The following NPAS3 variants were observed in gnomAD, a reference collection of about 807,000 sequenced individuals.
NPAS3 encodes the protein neuronal PAS domain-containing protein 3.
A neutral mutation model predicts 73.1 loss-of-function variants in NPAS3; 14 were observed. The ratio of observed to expected loss-of-function variants is 0.19; its 90% CI spans 0.13 to 0.30. NPAS3 has a LOEUF of 0.30. NPAS3 is among the 10% of genes least tolerant of loss of function. The pLI, the probability that NPAS3 is intolerant of heterozygous loss-of-function variation, is 1.00. For synonymous variants in NPAS3, 620 were observed against 541.5 expected (o/e 1.14, Z -2.01); for missense variants, 1,096 against 1,250.0 (o/e 0.88, Z 1.86).
rs369532154 is a variant in NPAS3, at chr14:33,224,268, T to C, written c.385+8842T>C. ...ATATATAGTTCCAGTGCTCTGCAGATGATAATATTTCATAAGCATAGCAAA... is the reference window on the plus strand; with the variant it reads ...ATATATAGTTCCAGTGCTCTGCAGACGATAATATTTCATAAGCATAGCAAA... On this transcript the variant is annotated intron_variant, in intron 3 of 11. Transcript: ENST00000356141. Among the ~76,000 whole-genome samples the C allele has an allele frequency of 1.7e-4, 26 of 152,306 alleles. No individual in the cohort carries two copies. The East Asian group carries it at 4.8e-3, about 28-fold the overall frequency.
Position 33,308,527 on chromosome 14 carries a change from T to TATATATATATATACAC in NPAS3, c.386-58658_386-58657insTATATATATATACACA. Among the ~76,000 whole-genome samples the TATATATATATATACAC allele has an allele frequency of 4.5e-3, 468 of 103,642 alleles. 10 individuals are homozygous for TATATATATATATACAC. Among genetic ancestry groups the TATATATATATATACAC allele is most frequent in the Non-Finnish European group, 6.6e-3 (353 of 53,458 alleles). 68.0% of individuals were successfully genotyped at this position (103,642 alleles called of 152,430 possible). A position where few individuals can be genotyped will look rare whatever the true frequency, so the allele number is the denominator to read the frequency against. Reference sequence around the variant, plus strand: ...TGCATAGTTTATATATATATATATATACATACACACACACACACACACACA... The same window carrying TATATATATATATACAC: ...TGCATAGTTTATATATATATATATATATATATATATATACACACATACACACACACACACACACACA... On this transcript the variant is annotated intron_variant, in intron 3 of 11. Transcript: ENST00000356141.
At chr14:33,080,394 C>A (rs2041829147) in intron 2 of NPAS3, among the ~76,000 whole-genome samples, 1 of 152,206 alleles carries the variant, frequency 6.6e-6, no homozygotes, top group Admixed American at 6.5e-5. Context: ...GCGTGAGCCA[C>A]CGCGCCCGGC....
intron 3 of NPAS3, among the ~76,000 whole-genome samples, chr14:33,307,124 G>A (rs531845584): frequency 4.9e-4 from 74 of 152,306 alleles, no homozygotes; most frequent in African/African-American, 1.7e-3. Context: ...CAGCCAGCTT[G>A]TAAGTGATTC....
At chr14:33,197,256 TG>T (rs2046395018) in intron 2 of NPAS3, among the ~76,000 whole-genome samples, 2 of 148,988 alleles carry the variant, frequency 1.3e-5, no homozygotes, top group Non-Finnish European at 3.0e-5. Context: ...TGTGTGTGTG[TG>T]TGTGTGTGTG....
At chr14:33,192,456 G>A (rs1160429356) in intron 2 of NPAS3, among the ~76,000 whole-genome samples, 2 of 152,180 alleles carry the variant, frequency 1.3e-5, no homozygotes, top group Non-Finnish European at 2.9e-5. Context: ...AGCTGGAATA[G>A]CCCAGGCACT....
chr14:33,258,667 A>G (rs1369183533), intron 3 of NPAS3, among the ~76,000 whole-genome samples: 1 of 152,188 alleles, frequency 6.6e-6, no homozygotes, highest in Non-Finnish European at 1.5e-5. Flanking sequence ...TCTGATCACA[A>G]GGGCATGTTG....
At chr14:33,379,977 CGTGTGTGTGTGTGT>C (rs34208750) in intron 4 of NPAS3, among the ~76,000 whole-genome samples, 2 of 144,232 alleles carry the variant, frequency 1.4e-5, no homozygotes, top group Non-Finnish European at 3.0e-5. Flanking sequence ...AGTTATCCCT[CGTGTGTGTGTGTGT>C]GTGTGTGTGT....
At chr14:32,942,824 C>T (rs189807888) in intron 1 of NPAS3, among the ~76,000 whole-genome samples, 5 of 152,122 alleles carry the variant, frequency 3.3e-5, no homozygotes, top group East Asian at 3.9e-4. Flanking sequence ...AAATGATAAT[C>T]GAAAATATGA....
At chr14:33,441,958 C>T (rs530312660) in intron 4 of NPAS3, among the ~76,000 whole-genome samples, 71 of 152,222 alleles carry the variant, frequency 4.7e-4, no homozygotes, top group Non-Finnish European at 4.0e-4. Context: ...GTGGGAATCA[C>T]GAAAGCTACA....
chr14:33,459,759 T>C (rs2050176256), intron 4 of NPAS3, among the ~76,000 whole-genome samples: 1 of 152,232 alleles, frequency 6.6e-6, no homozygotes, highest in Non-Finnish European at 1.5e-5. Flanking sequence ...CTCCCTTAAA[T>C]ATCACTGATT....
At chr14:33,717,668 A>G (rs2060994939) in intron 6 of NPAS3, among the ~76,000 whole-genome samples, 1 of 152,120 alleles carries the variant, frequency 6.6e-6, no homozygotes, top group African/African-American at 2.4e-5. Flanking sequence ...CCCTGACAGA[A>G]AGCTAAAGAT....
chr14:33,631,144 G>A (rs777358898), intron 5 of NPAS3, among the ~76,000 whole-genome samples: 2 of 152,158 alleles, frequency 1.3e-5, no homozygotes, highest in Non-Finnish European at 2.9e-5. Flanking sequence ...TTTATAGAAA[G>A]TGCTGCTTTG....
In NPAS3 at chr14:33,142,191, C is replaced by CTTTTTTT. The variant is rs10709910; in HGVS notation, c.141-72974_141-72968dup. 7.3e-3 allele frequency among the ~76,000 whole-genome samples: 279 copies of CTTTTTTT among 38,054 alleles called. 7 individuals are homozygous for CTTTTTTT. Among genetic ancestry groups the CTTTTTTT allele is most frequent in the African/African-American group, 9.0e-3 (83 of 9,178 alleles). 25.0% of individuals were successfully genotyped at this position (38,054 alleles called of 152,430 possible). A position where few individuals can be genotyped will look rare whatever the true frequency, so the allele number is the denominator to read the frequency against. On this transcript the variant is annotated intron_variant, in intron 2 of 11. Coordinates refer to ENST00000356141, the Ensembl canonical transcript of NPAS3. ...TTTATTTTATTTTAATTTGTATAAG[C>CTTTTTTT]TTTTTTTTTTTTTTTTTTTTTTTAC...
chr14:33,631,661 T>C (rs1459054925), intron 5 of NPAS3, among the ~76,000 whole-genome samples: 1 of 152,186 alleles, frequency 6.6e-6, no homozygotes, highest in Non-Finnish European at 1.5e-5. Context: ...GGTGCATCGA[T>C]CTGTATCTTG....
chr14:33,324,904 G>A (rs2043622518), intron 3 of NPAS3, among the ~76,000 whole-genome samples: 1 of 152,088 alleles, frequency 6.6e-6, no homozygotes, highest in Non-Finnish European at 1.5e-5. Flanking sequence ...GATTTTCAAA[G>A]CCCTGGATGT....
chr14:32,984,159 G>A (rs1737196020), intron 1 of NPAS3, among the ~76,000 whole-genome samples: 1 of 152,214 alleles, frequency 6.6e-6, no homozygotes, highest in African/African-American at 2.4e-5. Context: ...GTGAAAGAGA[G>A]TTGCCAATCT....
chr14:33,120,986 G>A (rs1408839176), intron 2 of NPAS3, among the ~76,000 whole-genome samples: 4 of 152,050 alleles, frequency 2.6e-5, no homozygotes, highest in African/African-American at 7.2e-5. Context: ...GATAATTACT[G>A]CCAAAATTAT....
chr14:33,260,304 A>T (rs201487260), intron 3 of NPAS3, among the ~76,000 whole-genome samples: 1 of 152,016 alleles, frequency 6.6e-6, no homozygotes, highest in East Asian at 1.9e-4. Flanking sequence ...CATCTCTAAA[A>T]AGAAAGCCTC....
chr14:33,232,891 T>C (rs1260118995), intron 3 of NPAS3, among the ~76,000 whole-genome samples: 1 of 151,626 alleles, frequency 6.6e-6, no homozygotes, highest in Non-Finnish European at 1.5e-5. Context: ...AATTTCACTT[T>C]AGTTTCTAGG....
Sources: gnomAD v4.1 joint callset for allele counts (sites outside exome capture counted in the v4.1 genomes callset) on GRCh38, gnomAD v4.1.1 for gene constraint, MANE v1.5 for transcripts, NCBI Gene and HGNC (gene_info 2026-07-23, HGNC 2026-07-21) for gene names.